GLRB: variants seen among roughly 807,000 people sequenced by gnomAD.
The protein encoded by GLRB is glycine receptor subunit beta.
Under a neutral mutation model 54.2 loss-of-function variants are expected in GLRB, and 33 were observed. The observed-to-expected ratio is 0.61, with a 90% CI of 0.46 to 0.81. The LOEUF (loss-of-function observed/expected upper bound fraction) is 0.81. Among genes scored for constraint, GLRB ranks in the 40% least tolerant of loss-of-function variants. The pLI is 0.00. For synonymous variants in GLRB, 209 were observed against 208.2 expected, an observed-to-expected ratio of 1.00 and a Z score of -0.03; for missense variants, 572 against 584.6, an observed-to-expected ratio of 0.98 and a Z score of 0.22.
intron 8 of GLRB, among the ~76,000 whole-genome samples, chr4:157,148,231 C>T (rs549451905): frequency 1.3e-5 from 2 of 152,148 alleles, no homozygotes; most frequent in Admixed American, 6.6e-5. Context: ...TTCCATCTTT[C>T]ATTCCTGATA....
chr4:157,130,494 G>A (rs192298019), intron 4 of GLRB, among the ~76,000 whole-genome samples: 662 of 151,480 alleles, frequency 4.4e-3, no homozygotes, highest in Non-Finnish European at 7.1e-3. Flanking sequence ...TAATAATTTT[G>A]AACAAACCTA....
In GLRB at chr4:157,164,179, A is replaced by G. The variant is rs537201686; in HGVS notation, c.1198-6253A>G. 3.6e-4 allele frequency among the ~76,000 whole-genome samples: 55 copies of G among 151,836 alleles called. 1 individual carries two copies. The highest frequency in any genetic ancestry group is 3.3e-3 in the South Asian group (16 of 4,790). ...TTTGTCTCTGTTACCACCCAAGTCT[A>G]AGAAGCCACATAATATCCAGAAGAA... On this transcript the variant is annotated intron_variant, in intron 9 of 9. Transcript: ENST00000264428.
intron 2 of GLRB, among the ~76,000 whole-genome samples, chr4:157,093,072 T>C (rs187790276): frequency 1.1e-4 from 16 of 152,344 alleles, no homozygotes; most frequent in African/African-American, 3.8e-4. Flanking sequence ...TTTTTCTTCT[T>C]GATTGTCACT....
intron 2 of GLRB, among the ~76,000 whole-genome samples, chr4:157,103,350 A>G (rs972397420): frequency 1.3e-5 from 2 of 152,172 alleles, no homozygotes; most frequent in South Asian, 2.1e-4. Flanking sequence ...CAGTTAGTCA[A>G]TGTCTGGTGG....
intron 4 of GLRB, among the ~76,000 whole-genome samples, chr4:157,133,355 A>G (rs1736285337): frequency 2.6e-5 from 4 of 151,854 alleles, no homozygotes; most frequent in Admixed American, 1.3e-4. Flanking sequence ...CATATAGCAA[A>G]TTATTTAGCA....
chr4:157,155,345 G>A (rs1280398258), intron 9 of GLRB, among the ~76,000 whole-genome samples: 1 of 152,114 alleles, frequency 6.6e-6, no homozygotes, highest in East Asian at 1.9e-4. Flanking sequence ...TGGCCAGACT[G>A]GTCTCAAATT....
intron 9 of GLRB, among the ~76,000 whole-genome samples, chr4:157,160,920 T>C (rs1305887970): frequency 6.6e-6 from 1 of 152,164 alleles, no homozygotes; most frequent in African/African-American, 2.4e-5. Flanking sequence ...CTGTCTAATG[T>C]TGACAGTGGG....
chr4:157,103,669 CCCATGAACATGGGCTGTCTCT>C (rs1735118576), intron 2 of GLRB, among the ~76,000 whole-genome samples: 1 of 151,962 alleles, frequency 6.6e-6, no homozygotes, highest in Non-Finnish European at 1.5e-5. Flanking sequence ...AGCCTTCCAA[CCCATGAACATGGGCTGTCTCT>C]CCATTTGTTT....
In GLRB at chr4:157,136,620, G is replaced by A; in HGVS notation, c.449G>A (p.Ser150Asn). The change falls in exon 5 of 10, where the codon AGT (serine) becomes AAT (asparagine). Residue 150 changes from serine to asparagine, a missense_variant. By Grantham distance (46) the Ser-to-Asn change is conservative (BLOSUM62 1). Transcript: ENST00000264428. ...KPDLFFANEK[S>N]ANFHDVTQEN... is the part of the protein sequence containing the mutation. ...GATTTATTTTTTGCAAATGAAAAAAGTGCCAATTTTCATGATGTGACCCAG... is the reference window on the plus strand; with the variant it reads ...GATTTATTTTTTGCAAATGAAAAAAATGCCAATTTTCATGATGTGACCCAG... The A allele has an allele frequency of 1.2e-6, 2 of 1,613,350 alleles. No homozygotes were observed. Among genetic ancestry groups the A allele is most frequent in the Non-Finnish European group, 1.7e-6 (2 of 1,179,432 alleles).
At chr4:157,129,126 T>C (rs986748590) in intron 4 of GLRB, among the ~76,000 whole-genome samples, 2 of 151,824 alleles carry the variant, frequency 1.3e-5, no homozygotes, top group Non-Finnish European at 2.9e-5. Flanking sequence ...TGGGTGTTAA[T>C]TGGTTCTAAA....
rs1736503196 is a variant in GLRB at position 157,138,795 on chromosome 4, GT to G, written c.611-9del. The G allele has an allele frequency of 7.5e-7, 1 of 1,333,174 alleles. No homozygotes were observed. 82.6% of individuals were successfully genotyped at this position (1,333,174 alleles called of 1,614,324 possible). The stretch of plus-strand genomic sequence containing the variant: ...TTATATTTTAAACTAACATTTATTT[GT>G]TTTTGTTTATAGTTGGTTACACAAC... On this transcript the variant is annotated splice_polypyrimidine_tract_variant and intron_variant, in intron 6 of 9. Transcript: ENST00000264428.
At chr4:157,167,157 T>A (rs1279402779) in intron 9 of GLRB, among the ~76,000 whole-genome samples, 4 of 152,196 alleles carry the variant, frequency 2.6e-5, no homozygotes, top group African/African-American at 9.6e-5. Flanking sequence ...TTCAAAAGCA[T>A]AATGAGTACA....
chr4:157,083,686 T>C (rs895409212), intron 2 of GLRB, among the ~76,000 whole-genome samples: 4 of 152,162 alleles, frequency 2.6e-5, no homozygotes, highest in African/African-American at 9.7e-5. Flanking sequence ...TCTTGATCTG[T>C]TTATTTAAGT....
chr4:157,167,604 C>CTG (rs143139738), intron 9 of GLRB, among the ~76,000 whole-genome samples: 10 of 152,078 alleles, frequency 6.6e-5, no homozygotes, highest in Admixed American at 6.6e-5. Flanking sequence ...GTATATGTTT[C>CTG]TGTGTGTGTG....
intron 2 of GLRB, among the ~76,000 whole-genome samples, chr4:157,110,266 G>T (rs1735369484): frequency 6.6e-6 from 1 of 151,902 alleles, no homozygotes; most frequent in African/African-American, 2.4e-5. Context: ...CAAGAATGAA[G>T]ATCAAATATA....
At chr4:157,086,624 A>G (rs1734422275) in intron 2 of GLRB, among the ~76,000 whole-genome samples, 1 of 152,220 alleles carries the variant, frequency 6.6e-6, no homozygotes, top group Non-Finnish European at 1.5e-5. Flanking sequence ...GTTGTCATAT[A>G]AAATAACTAG....
intron 2 of GLRB, among the ~76,000 whole-genome samples, chr4:157,079,056 G>C (rs541735307): frequency 6.6e-6 from 1 of 152,186 alleles, no homozygotes; most frequent in South Asian, 2.1e-4. Context: ...TTACAGGCGT[G>C]GTTCACCGCA....
intron 4 of GLRB, among the ~76,000 whole-genome samples, chr4:157,131,013 G>A (rs781063462): frequency 2.0e-5 from 3 of 150,294 alleles, no homozygotes; most frequent in African/African-American, 4.9e-5. Context: ...ATACAGAGAC[G>A]TATAGGCATA....
intron 1 of GLRB, chr4:157,076,670 C>G (rs2126402805): frequency 6.6e-6 from 1 of 152,452 alleles, no homozygotes; most frequent in African/African-American, 2.4e-5. Context: ...GAGGACAGAG[C>G]AGAGTGGTGA....
Sources: allele counts gnomAD v4.1 joint callset (sites outside exome capture counted in the v4.1 genomes callset), GRCh38; gene constraint gnomAD v4.1.1; transcripts MANE v1.5; gene names NCBI Gene and HGNC (gene_info 2026-07-23, HGNC 2026-07-21).